The following HLCS variants were observed in gnomAD, a reference collection of about 807,000 sequenced individuals.
HLCS encodes holocarboxylase synthetase.
A neutral mutation model predicts 75.0 loss-of-function variants in HLCS; 53 were observed. That is an observed-to-expected ratio of 0.71 (90% CI 0.57 to 0.89). The LOEUF (loss-of-function observed/expected upper bound fraction) is 0.89, where lower values mean the gene tolerates loss of function less well. Ranked by LOEUF, HLCS falls within the 40% of genes least tolerant of loss-of-function variation. The probability of loss-of-function intolerance (pLI) is 0.00; values close to 1 mark genes in which losing one functional copy is unlikely to be tolerated. For synonymous variants in HLCS, 431 were observed against 428.6 expected (o/e 1.01, Z -0.07); for missense variants, 966 against 1,074.0 (o/e 0.90, Z 1.41).
At chr21:36,862,969 A>C (rs2063433000) in intron 6 of HLCS, among the ~76,000 whole-genome samples, 2 of 142,580 alleles carry the variant, frequency 1.4e-5, no homozygotes, top group South Asian at 4.4e-4. Context: ...TTTTAAAGCG[A>C]CGGGGTCTCA....
chr21:36,937,104 T>C lies in HLCS; in HGVS notation c.782A>G (p.Asn261Ser). ...AAACTTGACTGACTCAATGGTGCTG[T>C]TCTCAAGTTCCAGACACTCGTGGCA... ...SSCHECLELE[N>S]STIESVKFAS... The change falls in exon 4 of 11, where the codon AAC (asparagine) becomes AGC (serine). Residue 261 changes from asparagine (N) to serine (S), a missense_variant. Transcript: ENST00000674895. 6.2e-7 allele frequency: 1 copy of C among 1,614,146 alleles called. No homozygotes were observed.
Position 36,901,017 on chromosome 21 carries a change from T to C in HLCS, c.1621-3886A>G, listed in dbSNP as rs144813570. 2.4e-3 allele frequency among the ~76,000 whole-genome samples: 365 copies of C among 152,156 alleles called. 3 individuals carry two copies. Among genetic ancestry groups the C allele is most frequent in the African/African-American group, 8.3e-3 (345 of 41,498 alleles). ...GGCTCACACCTGTAATCCCAGCACT[T>C]TGGGAGGCCCAGGCAGTCAAATCAC... On this transcript the variant is annotated intron_variant, in intron 5 of 10. Coordinates refer to ENST00000674895, the MANE Select transcript of HLCS (RefSeq NM_001352514.2).
At chr21:36,813,502 C>T (rs1041537719) in intron 6 of HLCS, among the ~76,000 whole-genome samples, 26 of 152,274 alleles carry the variant, frequency 1.7e-4, no homozygotes, top group African/African-American at 6.3e-4. Flanking sequence ...GAAAATGGTT[C>T]TAATGCCATT....
intron 6 of HLCS, among the ~76,000 whole-genome samples, chr21:36,879,781 G>A (rs546490695): frequency 2.6e-5 from 4 of 152,144 alleles, no homozygotes; most frequent in East Asian, 3.9e-4. Flanking sequence ...ATGGTGGCAC[G>A]CGCCTGTAGT....
chr21:36,865,233 C>T (rs965045139), intron 6 of HLCS, among the ~76,000 whole-genome samples: 3 of 151,814 alleles, frequency 2.0e-5, no homozygotes, highest in Non-Finnish European at 4.4e-5. Context: ...TCTGAAAACT[C>T]CACCACTCCC....
chr21:36,828,477 A>G (rs1372188811), intron 6 of HLCS, among the ~76,000 whole-genome samples: 3 of 152,194 alleles, frequency 2.0e-5, no homozygotes, highest in East Asian at 3.8e-4. Flanking sequence ...GTGCTGAACA[A>G]AACTCTTTTT....
At chr21:36,870,217 G>GCTAC (rs1249103574) in intron 6 of HLCS, among the ~76,000 whole-genome samples, 1 of 151,986 alleles carries the variant, frequency 6.6e-6, no homozygotes, top group Non-Finnish European at 1.5e-5. Context: ...CACACACCCA[G>GCTAC]CTACCCCTCT....
intron 6 of HLCS, among the ~76,000 whole-genome samples, chr21:36,870,301 T>C (rs1601577450): frequency 6.6e-6 from 1 of 151,742 alleles, no homozygotes; most frequent in Non-Finnish European, 1.5e-5. Flanking sequence ...CATGAAGGGG[T>C]GGGGGGAGGA....
chr21:36,908,467 CT>C (rs1845083217), intron 5 of HLCS, among the ~76,000 whole-genome samples: 1 of 151,944 alleles, frequency 6.6e-6, no homozygotes, highest in Admixed American at 6.6e-5. Flanking sequence ...TCATGCCCTA[CT>C]GGTGGGAATG....
At chr21:36,914,944 A>C (rs1036205828) in intron 5 of HLCS, among the ~76,000 whole-genome samples, 20 of 152,250 alleles carry the variant, frequency 1.3e-4, no homozygotes, top group Non-Finnish European at 2.5e-4. Flanking sequence ...GGGCATGGAA[A>C]ACGCTGGGGC....
Position 36,753,368 on chromosome 21 carries a change from T to A in HLCS, c.*878A>T, listed in dbSNP as rs1447375896. 1 of 152,236 alleles carries A rather than the reference T, an allele frequency of 6.6e-6. No homozygotes were observed. Among genetic ancestry groups the A allele is most frequent in the Admixed American group, 6.5e-5 (1 of 15,290 alleles). 9.4% of individuals were successfully genotyped at this position (152,236 alleles called of 1,614,324 possible). ...ATTTCAGAGTAAATCTGAAACTGGC[T>A]TAAAAGCTCCAAATCCTCCCTTGTA... On this transcript the variant is annotated 3_prime_UTR_variant, in exon 11 of 11. Transcript: ENST00000674895. The surrounding 1 kb of genome is among the most constrained non-coding windows in gnomAD (Gnocchi z 4.3).
chr21:36,952,015 T>C (rs1472867962), intron 2 of HLCS, among the ~76,000 whole-genome samples: 4 of 152,228 alleles, frequency 2.6e-5, no homozygotes, highest in African/African-American at 9.6e-5. Flanking sequence ...TCAAAGCCAT[T>C]TGAAATATCC....
intron 5 of HLCS, among the ~76,000 whole-genome samples, chr21:36,908,555 A>C (rs1004698401): frequency 6.6e-6 from 1 of 152,210 alleles, no homozygotes; most frequent in African/African-American, 2.4e-5. Flanking sequence ...TATGACCGAG[A>C]AATTCTACTC....
At chr21:36,844,092 A>G (rs1228006206) in intron 6 of HLCS, among the ~76,000 whole-genome samples, 1 of 152,244 alleles carries the variant, frequency 6.6e-6, no homozygotes, top group Non-Finnish European at 1.5e-5. Context: ...ACATGCTCAT[A>G]TGAGAATATT....
chr21:36,959,844 G>A (rs113241202), intron 2 of HLCS, among the ~76,000 whole-genome samples: 2,615 of 152,238 alleles, frequency 0.017, 53 homozygotes, highest in Non-Finnish European at 0.027. Context: ...AGGACCCACC[G>A]AATGGCAGTA....
At chr21:36,791,864 A>G (rs562781467) in intron 6 of HLCS, among the ~76,000 whole-genome samples, 124 of 152,300 alleles carry the variant, frequency 8.1e-4, no homozygotes, top group African/African-American at 2.6e-3. Context: ...ACTCTTTGCA[A>G]AAGGAAAGGA....
intron 9 of HLCS, 141 bp downstream of exon 9, chr21:36,759,586 T>G (rs2089746159): frequency 1.5e-6 from 1 of 673,156 alleles, no homozygotes; most frequent in Non-Finnish European, 2.7e-6. Context: ...TCTCTGCATC[T>G]ATACCCTGCT....
chr21:36,822,536 G>C (rs1433150165), intron 6 of HLCS, among the ~76,000 whole-genome samples: 1 of 152,064 alleles, frequency 6.6e-6, no homozygotes. Flanking sequence ...CTTTTATTTT[G>C]GAATAATTTT....
chr21:36,895,751 T>C (rs1390769711), intron 6 of HLCS, among the ~76,000 whole-genome samples: 2 of 152,200 alleles, frequency 1.3e-5, no homozygotes, highest in African/African-American at 4.8e-5. Flanking sequence ...TATACATCTG[T>C]CTAATCATGT....
Sources: allele counts gnomAD v4.1 joint callset (sites outside exome capture counted in the v4.1 genomes callset), GRCh38; gene constraint gnomAD v4.1.1; non-coding constraint Gnocchi (gnomAD v3.1); transcripts MANE v1.5; gene names NCBI Gene and HGNC (gene_info 2026-07-23, HGNC 2026-07-21).